Variants in EBF1 observed in about 807,000 individuals in gnomAD.
EBF1 encodes the protein transcription factor COE1.
In EBF1, 10 loss-of-function variants were observed where a neutral mutation model predicts 68.4. The ratio of observed to expected loss-of-function variants is 0.15; its 90% CI spans 0.09 to 0.25. EBF1 has a LOEUF of 0.25. Ranked by LOEUF, EBF1 falls within the 10% of genes least tolerant of loss-of-function variation. The pLI is 1.00. For missense variants in EBF1, 509 were observed against 794.4 expected (o/e 0.64, Z 4.32); for synonymous variants, 298 against 299.8 (o/e 0.99, Z 0.06).
chr5:158,843,120 C>T (rs1366510052), intron 6 of EBF1, among the ~76,000 whole-genome samples: 2 of 152,218 alleles, frequency 1.3e-5, no homozygotes, highest in South Asian at 2.1e-4. Flanking sequence ...TGGAGGTAGA[C>T]GTCATTGCCA....
chr5:158,999,802 C>T (rs752721753), intron 6 of EBF1, among the ~76,000 whole-genome samples: 2 of 152,164 alleles, frequency 1.3e-5, no homozygotes, highest in African/African-American at 2.4e-5. Context: ...GACAGACATA[C>T]ATATAGAAAA....
Position 158,705,266 on chromosome 5 carries a change from C to A in EBF1, c.1744+2713G>T, listed in dbSNP as rs1228152556. ...AAAGTGCTGAGACTACAGGTGTGAA[C>A]CACCACGCCCAGTCCATTCTTTTTA... On this transcript the variant is annotated intron_variant, in intron 15 of 15. Coordinates refer to ENST00000313708, the MANE Select transcript of EBF1 (RefSeq NM_024007.5). 2.6e-5 allele frequency among the ~76,000 whole-genome samples: 4 copies of A among 152,342 alleles called. No individual in the cohort carries two copies. The East Asian group carries it at 7.7e-4, about 29-fold the overall frequency.
At chr5:158,786,315 A>G (rs917521208) in intron 9 of EBF1, among the ~76,000 whole-genome samples, 2 of 152,232 alleles carry the variant, frequency 1.3e-5, no homozygotes, top group African/African-American at 2.4e-5. Flanking sequence ...CAACAAGATC[A>G]TCTTTCAAAA....
intron 11 of EBF1, among the ~76,000 whole-genome samples, chr5:158,719,418 G>A (rs1015988261): frequency 6.6e-6 from 1 of 152,118 alleles, no homozygotes; most frequent in African/African-American, 2.4e-5. Context: ...AAGACACATT[G>A]GGAACCAGGC....
At chr5:158,925,776 A>C (rs1809566669) in intron 6 of EBF1, among the ~76,000 whole-genome samples, 1 of 152,216 alleles carries the variant, frequency 6.6e-6, no homozygotes, top group South Asian at 2.1e-4. Context: ...ATTTGGTAGG[A>C]GTGTGGTGGG....
chr5:159,055,332 T>C (rs750623812), intron 6 of EBF1, among the ~76,000 whole-genome samples: 1 of 152,182 alleles, frequency 6.6e-6, no homozygotes, highest in Non-Finnish European at 1.5e-5. Flanking sequence ...ACTTCTCTCG[T>C]TCTATAAATA....
chr5:158,970,754 A>G (rs369671397), intron 6 of EBF1, among the ~76,000 whole-genome samples: 1 of 152,248 alleles, frequency 6.6e-6, no homozygotes, highest in African/African-American at 2.4e-5. Context: ...CTAGAAAGGC[A>G]TATAAAAATC....
chr5:158,853,560 G>A (rs1471563683), intron 6 of EBF1, among the ~76,000 whole-genome samples: 2 of 152,144 alleles, frequency 1.3e-5, no homozygotes, highest in Non-Finnish European at 2.9e-5. Flanking sequence ...TTCATAGGTG[G>A]GGAGGAGAGA....
chr5:159,068,110 A>C (rs919738378), intron 6 of EBF1, among the ~76,000 whole-genome samples: 2 of 152,188 alleles, frequency 1.3e-5, no homozygotes, highest in African/African-American at 4.8e-5. Flanking sequence ...TGAAGACCAA[A>C]ATAAGAAGAG....
chr5:158,792,323 C>A (rs1460152345), intron 9 of EBF1, among the ~76,000 whole-genome samples: 1 of 152,146 alleles, frequency 6.6e-6, no homozygotes, highest in Non-Finnish European at 1.5e-5. Context: ...CTTGGGAGCT[C>A]GCAGAAGGCA....
intron 6 of EBF1, among the ~76,000 whole-genome samples, chr5:158,893,205 C>T (rs1251355730): frequency 6.6e-6 from 1 of 152,152 alleles, no homozygotes; most frequent in African/African-American, 2.4e-5. Context: ...CCATCAGTTC[C>T]AAATTTATAT....
intron 6 of EBF1, among the ~76,000 whole-genome samples, chr5:158,860,777 G>A (rs543922016): frequency 1.5e-4 from 23 of 152,232 alleles, no homozygotes; most frequent in South Asian, 4.2e-4. Flanking sequence ...CGCATCTTGC[G>A]TCTCTGTTGC....
chr5:158,761,474 C>G (rs751193830), intron 10 of EBF1, among the ~76,000 whole-genome samples: 8 of 152,170 alleles, frequency 5.3e-5, no homozygotes, highest in Non-Finnish European at 8.8e-5. Flanking sequence ...GCAGAGAATG[C>G]TCAGTGGTAA....
intron 6 of EBF1, among the ~76,000 whole-genome samples, chr5:159,047,057 T>C (rs1172867726): frequency 1.3e-5 from 2 of 152,180 alleles, no homozygotes; most frequent in Non-Finnish European, 2.9e-5. Context: ...GCACTGTGTT[T>C]ATTATTGAGT....
intron 6 of EBF1, among the ~76,000 whole-genome samples, chr5:158,967,602 T>C (rs1363441715): frequency 6.6e-6 from 1 of 152,138 alleles, no homozygotes; most frequent in Non-Finnish European, 1.5e-5. Flanking sequence ...AGAATCAATA[T>C]GGTAGGATTT....
intron 6 of EBF1, among the ~76,000 whole-genome samples, chr5:159,071,362 A>G (rs2127936850): frequency 6.6e-6 from 1 of 152,346 alleles, no homozygotes; most frequent in Admixed American, 6.5e-5. Flanking sequence ...GTCAAACCAA[A>G]AGGGAAAAAA....
intron 7 of EBF1, among the ~76,000 whole-genome samples, chr5:158,823,817 T>C (rs1411785351): frequency 6.6e-6 from 1 of 152,180 alleles, no homozygotes; most frequent in African/African-American, 2.4e-5. Context: ...TTGAGATTTC[T>C]TGTACGTTTT....
At chr5:158,940,753 T>TCCCCC (rs1561573370) in intron 6 of EBF1, among the ~76,000 whole-genome samples, 1 of 7,658 alleles carries the variant, frequency 1.3e-4, no homozygotes, top group Non-Finnish European at 3.2e-4. Context: ...TGCACCCCCT[T>TCCCCC]CACCCCACCG....
intron 11 of EBF1, among the ~76,000 whole-genome samples, chr5:158,730,808 T>A (rs1763943282): frequency 6.6e-6 from 1 of 152,234 alleles, no homozygotes; most frequent in Non-Finnish European, 1.5e-5. Context: ...TATTTTCTCT[T>A]CTAAAATAGG....
Sources: allele counts gnomAD v4.1 joint callset (sites outside exome capture counted in the v4.1 genomes callset), GRCh38; gene constraint gnomAD v4.1.1; transcripts MANE v1.5; gene names NCBI Gene and HGNC (gene_info 2026-07-23, HGNC 2026-07-21).